The following ELMOD2 variants were observed in gnomAD, a reference collection of about 807,000 sequenced individuals.
ELMOD2 encodes the protein ELMO domain containing 2, also known as ELMO domain-containing protein 2.
ELMOD2 carries 28 observed loss-of-function variants against 41.0 expected under a neutral mutation model. That is an observed-to-expected ratio of 0.68 (90% confidence interval 0.51 to 0.94). The LOEUF is 0.94. Ranked by LOEUF, ELMOD2 falls within the 40% of genes least tolerant of loss-of-function variation. The probability of loss-of-function intolerance (pLI) is 0.00; values close to 1 mark genes in which losing one functional copy is unlikely to be tolerated. For missense variants in ELMOD2, 333 were observed against 343.1 expected, an observed-to-expected ratio of 0.97 and a Z score of 0.23; for synonymous variants, 106 against 107.2, an observed-to-expected ratio of 0.99 and a Z score of 0.07.
rs549322427 is a variant in ELMOD2 at position 140,546,002 on chromosome 4, A to C, written c.736+2416A>C. 8.6e-5 allele frequency among the ~76,000 whole-genome samples: 13 copies of C among 151,700 alleles called. 1 individual carries two copies. The South Asian group carries it at 2.3e-3, about 27-fold the overall frequency. ...CATTACTGGGTATATACCCAAAGGA[A>C]TATAAATCATGCTTCTATAAAGACA... On this transcript the variant is annotated intron_variant, in intron 8 of 8. Transcript: ENST00000323570.
chr4:140,531,402 T>C (rs549248168), intron 3 of ELMOD2, among the ~76,000 whole-genome samples: 61 of 152,288 alleles, frequency 4.0e-4, no homozygotes, highest in African/African-American at 1.4e-3. Context: ...ATTTGAGGAG[T>C]CTAATTCAAT....
chr4:140,540,394 C>G, intron 6 of ELMOD2, 93 bp downstream of exon 6: 3 of 1,455,826 alleles, frequency 2.1e-6, no homozygotes, highest in Non-Finnish European at 2.8e-6. Flanking sequence ...CTAGTTGATT[C>G]ATACTATCTC....
intron 3 of ELMOD2, among the ~76,000 whole-genome samples, chr4:140,534,214 A>G (rs1734838729): frequency 6.6e-6 from 1 of 152,210 alleles, no homozygotes. Flanking sequence ...AACAATTAAA[A>G]GGGACAAATT....
intron 8 of ELMOD2, among the ~76,000 whole-genome samples, chr4:140,545,286 C>A (rs1352155793): frequency 6.6e-6 from 1 of 152,122 alleles, no homozygotes; most frequent in African/African-American, 2.4e-5. Flanking sequence ...TCTTTTGCCC[C>A]ACAGGAATTC....
intron 3 of ELMOD2, among the ~76,000 whole-genome samples, chr4:140,528,583 A>C (rs3097594): frequency 0.87 from 132,049 of 152,206 alleles, 58,315 homozygotes; most frequent in East Asian, 0.97. Context: ...AATGTTTGTT[A>C]TTGATCATGA....
chr4:140,531,425 A>G (rs1734743475), intron 3 of ELMOD2, among the ~76,000 whole-genome samples: 1 of 152,246 alleles, frequency 6.6e-6, no homozygotes, highest in Admixed American at 6.5e-5. Flanking sequence ...TCTGCTAAGA[A>G]GTCTGGCTTC....
At chr4:140,524,559 A>AT (rs1445263595) in intron 1 of ELMOD2, 1 of 984,142 alleles carries the variant, frequency 1.0e-6, no homozygotes, top group East Asian at 1.1e-4. Flanking sequence ...AGATGGCTTG[A>AT]TTTTCAAGAT....
chr4:140,547,175 G>A (rs2110882544), intron 8 of ELMOD2, among the ~76,000 whole-genome samples: 1 of 152,232 alleles, frequency 6.6e-6, no homozygotes, highest in Admixed American at 6.5e-5. Flanking sequence ...GCACAAATTA[G>A]TTCCAAGGTC....
chr4:140,536,373 T>C (rs1053867634), intron 4 of ELMOD2, among the ~76,000 whole-genome samples: 2 of 152,182 alleles, frequency 1.3e-5, no homozygotes, highest in Non-Finnish European at 2.9e-5. Context: ...ATTCAGCATT[T>C]TCTATGTGAA....
At position 140,542,883 on chromosome 4, in the gene ELMOD2, C is replaced by G. The variant is rs566560203; in HGVS notation, c.602+241C>G. On this transcript the variant is annotated intron_variant, in intron 7 of 8. Transcript: ENST00000323570. ...TATCTATACAATGGAGATAAGGGCCCTTATAAAATGCTTTTGAGAAATAGA... is the reference window on the plus strand; with the variant it reads ...TATCTATACAATGGAGATAAGGGCCGTTATAAAATGCTTTTGAGAAATAGA... 7.2e-4 allele frequency among the ~76,000 whole-genome samples: 109 copies of G among 151,738 alleles called. 2 individuals carry two copies. The South Asian group carries it at 0.011, about 15-fold the overall frequency.
In ELMOD2 at chr4:140,552,359, T is replaced by G. The variant is rs1458992835; in HGVS notation, c.*1984T>G. The G allele has an allele frequency of 2.6e-5, 4 of 152,070 alleles. No homozygotes were observed. Among genetic ancestry groups the G allele is most frequent in the African/African-American group, 9.7e-5 (4 of 41,446 alleles). 9.4% of individuals were successfully genotyped at this position (152,070 alleles called of 1,614,324 possible). On this transcript the variant is annotated 3_prime_UTR_variant, in exon 9 of 9. Coordinates refer to ENST00000323570, the MANE Select transcript of ELMOD2 (RefSeq NM_153702.4). ...TAGAGCTTGCTCAATAATATGTTCT[T>G]TAAATCCACCTCCATTTGTACATTA...
intron 8 of ELMOD2, among the ~76,000 whole-genome samples, chr4:140,549,924 C>T (rs1198373378): frequency 2.6e-5 from 4 of 151,836 alleles, no homozygotes; most frequent in Non-Finnish European, 5.9e-5. Context: ...TGGCCTCAAG[C>T]GATCTGCCCA....
chr4:140,535,462 C>T, intron 3 of ELMOD2: 1 of 285,146 alleles, frequency 3.5e-6, no homozygotes. Context: ...ATGGTGGCAG[C>T]TCATTTGCTG....
In ELMOD2 at chr4:140,537,510, A is replaced by G. The variant is rs538889745; in HGVS notation, c.368A>G (p.Asp123Gly). The G allele has an allele frequency of 1.2e-6, 2 of 1,600,508 alleles. No individual in the cohort carries two copies. Among genetic ancestry groups the G allele is most frequent in the South Asian group, 1.1e-5 (1 of 87,810 alleles). Residue 123 changes from aspartate to glycine, a missense_variant, in exon 5 of 9, where the codon GAT becomes GGT. Asp to Gly is a moderately conservative substitution (Grantham distance 94). Coordinates refer to ENST00000323570, the MANE Select transcript of ELMOD2 (RefSeq NM_153702.4). ...ESVRKRPYDS[D>G]NLQHEELLMK... ...GTGAGGAAAAGGCCATATGATTCTG[A>G]TAACCTACAGCATGAAGAGCTACTC...
At position 140,551,394 on chromosome 4, in the gene ELMOD2, T is replaced by C. The variant is rs1314766574; in HGVS notation, c.*1019T>C. ...ACTCCATGGTGTTTTTAGATAACCA[T>C]GTATGAACTTTATGTTAATGGTTTG... On this transcript the variant is annotated 3_prime_UTR_variant, in exon 9 of 9. Transcript: ENST00000323570. 1.3e-5 allele frequency: 2 copies of C among 152,068 alleles called. No homozygotes were observed. Among genetic ancestry groups the C allele is most frequent in the African/African-American group, 4.8e-5 (2 of 41,448 alleles). 9.4% of individuals were successfully genotyped at this position (152,068 alleles called of 1,614,324 possible).
At chr4:140,524,302 C>T (rs1734474675) in intron 1 of ELMOD2, 22 bp downstream of exon 1, 1 of 152,246 alleles carries the variant, frequency 6.6e-6, no homozygotes, top group African/African-American at 2.4e-5. Context: ...TTCTTTTCCT[C>T]TTGCCCCGGA....
intron 6 of ELMOD2, among the ~76,000 whole-genome samples, chr4:140,541,483 C>T (rs891601421): frequency 2.0e-5 from 3 of 151,860 alleles, no homozygotes; most frequent in Admixed American, 1.3e-4. Context: ...TGAATTATTA[C>T]AAAAATGAAA....
At chr4:140,524,433 G>T in intron 1 of ELMOD2, 153 bp downstream of exon 1, 1 of 253,802 alleles carries the variant, frequency 3.9e-6, no homozygotes, top group Non-Finnish European at 6.2e-6. Context: ...ATTCGCGGGC[G>T]GCGCGCGAGG....
chr4:140,545,383 T>A (rs1244996332), intron 8 of ELMOD2, among the ~76,000 whole-genome samples: 1 of 152,144 alleles, frequency 6.6e-6, no homozygotes, highest in Non-Finnish European at 1.5e-5. Flanking sequence ...CTCATACTTT[T>A]CCTAAGTGGT....
Sources: gnomAD v4.1 joint callset for allele counts (sites outside exome capture counted in the v4.1 genomes callset) on GRCh38, gnomAD v4.1.1 for gene constraint, MANE v1.5 for transcripts, NCBI Gene and HGNC (gene_info 2026-07-23, HGNC 2026-07-21) for gene names.